The following LHFPL3 variants were observed in gnomAD, a reference collection of about 807,000 sequenced individuals.
LHFPL3 encodes the protein LHFPL tetraspan subfamily member 3, also known as LHFPL tetraspan subfamily member 3 protein.
In LHFPL3, 5 loss-of-function variants were observed where a neutral mutation model predicts 19.3. That is an observed-to-expected ratio of 0.26 (90% CI 0.14 to 0.54). The LOEUF (loss-of-function observed/expected upper bound fraction) is 0.54. Among genes scored for constraint, LHFPL3 ranks in the 20% least tolerant of loss-of-function variants. The pLI, the probability that LHFPL3 is intolerant of heterozygous loss-of-function variation, is 0.94. For missense variants in LHFPL3, 249 were observed against 307.4 expected, an observed-to-expected ratio of 0.81 and a Z score of 1.42; for synonymous variants, 133 against 126.2, an observed-to-expected ratio of 1.05 and a Z score of -0.36.
At chr7:104,747,652 A>G (rs1041998166) in intron 2 of LHFPL3, among the ~76,000 whole-genome samples, 1 of 152,220 alleles carries the variant, frequency 6.6e-6, no homozygotes, top group Non-Finnish European at 1.5e-5. Flanking sequence ...CCCATTACTC[A>G]GAAACTCATT....
At chr7:104,829,801 G>C (rs897865399) in intron 2 of LHFPL3, among the ~76,000 whole-genome samples, 3 of 151,964 alleles carry the variant, frequency 2.0e-5, no homozygotes, top group Non-Finnish European at 4.4e-5. Flanking sequence ...ACGTGTGCGT[G>C]TGTCTTCATA....
chr7:104,594,906 C>T (rs1309460298), intron 1 of LHFPL3, among the ~76,000 whole-genome samples: 1 of 152,188 alleles, frequency 6.6e-6, no homozygotes, highest in Non-Finnish European at 1.5e-5. Flanking sequence ...TTAAGGTCTT[C>T]CCTACACTGT....
At chr7:104,352,694 A>G (rs1237496081) in intron 1 of LHFPL3, among the ~76,000 whole-genome samples, 1 of 152,274 alleles carries the variant, frequency 6.6e-6, no homozygotes, top group Non-Finnish European at 1.5e-5. Context: ...TCTGAAGGAA[A>G]GATCTCAACG....
At chr7:104,702,640 A>G (rs1793124461) in intron 1 of LHFPL3, among the ~76,000 whole-genome samples, 1 of 152,238 alleles carries the variant, frequency 6.6e-6, no homozygotes, top group African/African-American at 2.4e-5. Context: ...CTTTGAAGAA[A>G]GCTCTAATAA....
At chr7:104,853,516 G>A (rs1791448910) in intron 2 of LHFPL3, among the ~76,000 whole-genome samples, 1 of 152,188 alleles carries the variant, frequency 6.6e-6, no homozygotes, top group African/African-American at 2.4e-5. Context: ...TGACTTCAGT[G>A]ATTGTACAGA....
intron 2 of LHFPL3, among the ~76,000 whole-genome samples, chr7:104,887,485 T>C (rs950956956): frequency 1.1e-4 from 16 of 152,204 alleles, no homozygotes; most frequent in Admixed American, 8.5e-4. Flanking sequence ...AGGGAAGTGA[T>C]ATTTATAAAT....
intron 2 of LHFPL3, among the ~76,000 whole-genome samples, chr7:104,822,449 T>C (rs1790692616): frequency 6.6e-6 from 1 of 152,188 alleles, no homozygotes; most frequent in African/African-American, 2.4e-5. Flanking sequence ...ATTGACATTA[T>C]GGACCAGCTA....
At chr7:104,390,811 G>C (rs1791050933) in intron 1 of LHFPL3, among the ~76,000 whole-genome samples, 1 of 152,210 alleles carries the variant, frequency 6.6e-6, no homozygotes, top group Admixed American at 6.5e-5. Context: ...CAGTGTAAAA[G>C]TGTTCCTATT....
At chr7:104,629,716 C>T (rs573809837) in intron 1 of LHFPL3, among the ~76,000 whole-genome samples, 1 of 152,314 alleles carries the variant, frequency 6.6e-6, no homozygotes, top group South Asian at 2.1e-4. Context: ...TAAGATTCTA[C>T]TTACAGTAAC....
intron 1 of LHFPL3, among the ~76,000 whole-genome samples, chr7:104,436,431 G>A (rs1213811683): frequency 1.3e-5 from 2 of 152,064 alleles, no homozygotes; most frequent in Non-Finnish European, 2.9e-5. Flanking sequence ...GCAGAACCAG[G>A]ACTCAAACCC....
intron 2 of LHFPL3, among the ~76,000 whole-genome samples, chr7:104,875,724 A>G (rs1791926017): frequency 6.6e-6 from 1 of 152,268 alleles, no homozygotes; most frequent in African/African-American, 2.4e-5. Context: ...CCACACCCAC[A>G]ATAAAGAGAT....
At chr7:104,475,803 G>T (rs895800489) in intron 1 of LHFPL3, among the ~76,000 whole-genome samples, 1 of 152,104 alleles carries the variant, frequency 6.6e-6, no homozygotes, top group Non-Finnish European at 1.5e-5. Flanking sequence ...AAATGATTTC[G>T]GGGAAGGCTT....
At chr7:104,554,958 G>A (rs1794735928) in intron 1 of LHFPL3, among the ~76,000 whole-genome samples, 1 of 152,208 alleles carries the variant, frequency 6.6e-6, no homozygotes, top group African/African-American at 2.4e-5. Flanking sequence ...AGAAGATGGT[G>A]TCCCAGCTCC....
In LHFPL3 at chr7:104,371,617, T is replaced by C. The variant is rs140525714; in HGVS notation, c.445+42393T>C. 2.5e-4 allele frequency among the ~76,000 whole-genome samples: 37 copies of C among 150,002 alleles called. No individual in the cohort carries two copies. The East Asian group carries it at 4.9e-3, about 20-fold the overall frequency. ...TCTGGAGTAGTGATATTACCATGAC[T>C]TTCCTCAACTGAGAAATTAGGCAAA... On this transcript the variant is annotated intron_variant, in intron 1 of 2. Coordinates refer to ENST00000424859, the MANE Select transcript of LHFPL3 (RefSeq NM_199000.3).
intron 2 of LHFPL3, among the ~76,000 whole-genome samples, chr7:104,863,253 A>G (rs1053870521): frequency 3.3e-5 from 5 of 152,184 alleles, no homozygotes; most frequent in African/African-American, 1.2e-4. Context: ...AATGATGGGT[A>G]GGGGGTTGAC....
intron 1 of LHFPL3, among the ~76,000 whole-genome samples, chr7:104,501,808 C>G (rs1280656328): frequency 6.6e-6 from 1 of 152,152 alleles, no homozygotes; most frequent in Non-Finnish European, 1.5e-5. Context: ...TGACAGGAAA[C>G]CAAATATATT....
chr7:104,811,849 A>G (rs1790477130), intron 2 of LHFPL3, among the ~76,000 whole-genome samples: 1 of 152,208 alleles, frequency 6.6e-6, no homozygotes, highest in Admixed American at 6.5e-5. Context: ...CCTCTAGCTG[A>G]TTATGTCATT....
intron 1 of LHFPL3, among the ~76,000 whole-genome samples, chr7:104,665,556 G>A (rs1044788617): frequency 6.6e-6 from 1 of 152,168 alleles, no homozygotes; most frequent in Non-Finnish European, 1.5e-5. Flanking sequence ...TATGTACAAA[G>A]CAATTACATC....
At chr7:104,471,297 A>G (rs1168405062) in intron 1 of LHFPL3, among the ~76,000 whole-genome samples, 3 of 152,238 alleles carry the variant, frequency 2.0e-5, no homozygotes, top group Non-Finnish European at 4.4e-5. Flanking sequence ...GATGGAAATA[A>G]TAATAGTTAT....
Sources: gnomAD v4.1 joint callset for allele counts (sites outside exome capture counted in the v4.1 genomes callset) on GRCh38, gnomAD v4.1.1 for gene constraint, MANE v1.5 for transcripts, NCBI Gene and HGNC (gene_info 2026-07-23, HGNC 2026-07-21) for gene names.